The following TSHZ2 variants were observed in gnomAD, a reference collection of about 807,000 sequenced individuals.
The protein encoded by TSHZ2 is teashirt homolog 2.
Under a neutral mutation model 74.4 loss-of-function variants are expected in TSHZ2, and 21 were observed. That is an observed-to-expected ratio of 0.28 (90% confidence interval 0.20 to 0.41). TSHZ2 has a LOEUF of 0.41. TSHZ2 is among the 10% of genes least tolerant of loss of function. The probability of loss-of-function intolerance (pLI) is 1.00; values close to 1 mark genes in which losing one functional copy is unlikely to be tolerated. For missense variants in TSHZ2, 1,244 were observed against 1,293.5 expected, an observed-to-expected ratio of 0.96 and a Z score of 0.59; for synonymous variants, 540 against 515.3, an observed-to-expected ratio of 1.05 and a Z score of -0.65.
At chr20:53,434,944 T>A (rs1035662198) in intron 2 of TSHZ2, among the ~76,000 whole-genome samples, 1 of 152,210 alleles carries the variant, frequency 6.6e-6, no homozygotes, top group African/African-American at 2.4e-5. Flanking sequence ...ACTCCAAAAT[T>A]CTTCCGAGCC....
At chr20:53,064,179 T>C (rs758381910) in intron 1 of TSHZ2, among the ~76,000 whole-genome samples, 6 of 152,216 alleles carry the variant, frequency 3.9e-5, no homozygotes, top group Admixed American at 6.5e-5. Context: ...AATGTTGTGC[T>C]TGATGGGATC....
chr20:53,157,943 A>G (rs1293410), intron 1 of TSHZ2, among the ~76,000 whole-genome samples: 62,627 of 151,822 alleles, frequency 0.41, 14,256 homozygotes, highest in African/African-American at 0.62. Context: ...CCACAAACCA[A>G]TGAATTTCAG....
At chr20:53,024,688 C>A (rs943498614) in intron 1 of TSHZ2, among the ~76,000 whole-genome samples, 2 of 152,068 alleles carry the variant, frequency 1.3e-5, no homozygotes, top group African/African-American at 4.8e-5. Context: ...GATGTTCCCC[C>A]CACTGTGTCC....
intron 2 of TSHZ2, among the ~76,000 whole-genome samples, chr20:53,414,751 G>C (rs1168098372): frequency 6.6e-6 from 1 of 152,178 alleles, no homozygotes; most frequent in African/African-American, 2.4e-5. Flanking sequence ...AAGGGCTCAC[G>C]CAAGCACATT....
intron 1 of TSHZ2, among the ~76,000 whole-genome samples, chr20:53,189,535 A>C (rs888156450): frequency 6.6e-6 from 1 of 152,230 alleles, no homozygotes; most frequent in East Asian, 1.9e-4. Context: ...GCTTGGAACA[A>C]ATTCATAAAG....
chr20:53,442,985 T>G (rs149556281), intron 2 of TSHZ2, among the ~76,000 whole-genome samples: 153 of 152,320 alleles, frequency 1.0e-3, no homozygotes, highest in African/African-American at 3.5e-3. Context: ...CTGGATGCTT[T>G]TTTAATAGCA....
chr20:53,227,021 A>T (rs1221961768), intron 1 of TSHZ2, among the ~76,000 whole-genome samples: 1 of 152,154 alleles, frequency 6.6e-6, no homozygotes, highest in Non-Finnish European at 1.5e-5. Flanking sequence ...TTGCTTTCAT[A>T]TGCAGAATTT....
At chr20:53,221,542 G>T (rs188477198) in intron 1 of TSHZ2, among the ~76,000 whole-genome samples, 1 of 152,312 alleles carries the variant, frequency 6.6e-6, no homozygotes, top group Non-Finnish European at 1.5e-5. Flanking sequence ...GGTATAAGAA[G>T]AAATCTGATG....
Position 53,374,354 on chromosome 20 carries a change from G to GTA in TSHZ2, c.*9-112782_*9-112781dup, listed in dbSNP as rs540240930. On this transcript the variant is annotated intron_variant, in intron 2 of 2. Transcript: ENST00000371497. ...TTGTATGGCTGTGTAGTATTTCATG[G>GTA]TATATATATGCCACATTTTCTTCAT... 2.0e-5 allele frequency among the ~76,000 whole-genome samples: 3 copies of GTA among 152,086 alleles called. No homozygotes were observed. The South Asian group carries it at 6.2e-4, about 32-fold the overall frequency.
chr20:53,438,115 CT>C (rs35641577), intron 2 of TSHZ2, among the ~76,000 whole-genome samples: 211 of 133,550 alleles, frequency 1.6e-3, no homozygotes, highest in African/African-American at 4.7e-3. Context: ...TTTTTTTTTT[CT>C]TTTTTTTTTT....
chr20:53,102,935 A>G (rs1233153411), intron 1 of TSHZ2, among the ~76,000 whole-genome samples: 2 of 151,876 alleles, frequency 1.3e-5, no homozygotes, highest in Non-Finnish European at 2.9e-5. Context: ...TTAGTTACAT[A>G]TGTATACATG....
intron 1 of TSHZ2, among the ~76,000 whole-genome samples, chr20:53,003,510 C>G (rs1331316517): frequency 6.6e-6 from 1 of 152,092 alleles, no homozygotes; most frequent in Non-Finnish European, 1.5e-5. Context: ...ATGTGTCAGC[C>G]CTATGGAGAA....
chr20:53,077,472 G>C (rs1936964), intron 1 of TSHZ2, among the ~76,000 whole-genome samples: 38,487 of 151,536 alleles, frequency 0.25, 5,328 homozygotes, highest in Non-Finnish European at 0.31. Context: ...CTGTGAGAGT[G>C]AATTAGTTTT....
chr20:53,001,228 G>GTATGTGTGTGTGTGTGTGTGTGTGTA (rs57496923), intron 1 of TSHZ2, among the ~76,000 whole-genome samples: 5 of 143,384 alleles, frequency 3.5e-5, no homozygotes, highest in Admixed American at 3.4e-4. Flanking sequence ...GTGTGTGTGT[G>GTATGTGTGTGTGTGTGTGTGTGTGTA]TGTGTGTGTG....
intron 1 of TSHZ2, among the ~76,000 whole-genome samples, chr20:53,217,299 C>T (rs781318052): frequency 4.6e-5 from 7 of 152,142 alleles, no homozygotes; most frequent in Non-Finnish European, 8.8e-5. Context: ...CACTTCTGGG[C>T]GCTCAGGGAG....
rs115964140 is a variant in TSHZ2, at chr20:53,374,892, G to A, written c.*9-112252G>A. On this transcript the variant is annotated intron_variant, in intron 2 of 2. Transcript: ENST00000371497. ...ATAGTTTGCAAATTTTTTCACCCATGAGGTAGGTTGTCTGTATACTCTGTT... is the reference window on the plus strand; with the variant it reads ...ATAGTTTGCAAATTTTTTCACCCATAAGGTAGGTTGTCTGTATACTCTGTT... Among the ~76,000 whole-genome samples the A allele has an allele frequency of 7.1e-3, 1,056 of 148,306 alleles. 11 individuals carry two copies. Among genetic ancestry groups the A allele is most frequent in the African/African-American group, 0.025 (981 of 39,928 alleles).
chr20:53,026,072 T>G (rs1284109437), intron 1 of TSHZ2, among the ~76,000 whole-genome samples: 5 of 152,148 alleles, frequency 3.3e-5, no homozygotes, highest in Admixed American at 3.3e-4. Context: ...AAGCAGGAAA[T>G]TATTCCCAAC....
At chr20:53,185,551 C>T in intron 1 of TSHZ2, 1 of 1,449,280 alleles carries the variant, frequency 6.9e-7, no homozygotes, top group Non-Finnish European at 9.3e-7. Context: ...ACCCAGGAGG[C>T]AGAGGTTGCA....
intron 1 of TSHZ2, among the ~76,000 whole-genome samples, chr20:53,108,498 C>G (rs751279194): frequency 1.3e-5 from 2 of 152,292 alleles, no homozygotes; most frequent in Admixed American, 6.5e-5. Flanking sequence ...CAAAGGGCAG[C>G]ACAGGTAGTC....
Sources: allele counts gnomAD v4.1 joint callset (sites outside exome capture counted in the v4.1 genomes callset), GRCh38; gene constraint gnomAD v4.1.1; transcripts MANE v1.5; gene names NCBI Gene and HGNC (gene_info 2026-07-23, HGNC 2026-07-21).